Variants in SSU72 observed in about 807,000 individuals in gnomAD.
The protein encoded by SSU72 is SSU72 homolog, RNA polymerase II CTD phosphatase.
In SSU72, 12 loss-of-function variants were observed where a neutral mutation model predicts 22.7. The ratio of observed to expected loss-of-function variants is 0.53; its 90% CI spans 0.34 to 0.86. SSU72 has a LOEUF of 0.86. Among genes scored for constraint, SSU72 ranks in the 40% least tolerant of loss-of-function variants. SSU72 has a pLI of 0.02. For missense variants in SSU72, 151 were observed against 249.8 expected (o/e 0.60, Z 2.67); for synonymous variants, 116 against 98.3 (o/e 1.18, Z -1.06).
At chr1:1,572,975 C>G (rs965145038) in intron 1 of SSU72, among the ~76,000 whole-genome samples, 4 of 149,720 alleles carry the variant, frequency 2.7e-5, no homozygotes, top group African/African-American at 9.8e-5. Context: ...CAATGTAATT[C>G]TAGCACATTT....
At chr1:1,549,930 G>A (rs1447525846) in intron 2 of SSU72, among the ~76,000 whole-genome samples, 1 of 147,550 alleles carries the variant, frequency 6.8e-6, no homozygotes, top group African/African-American at 2.5e-5. Flanking sequence ...CCGAGATTGC[G>A]CCTCTATACT....
At chr1:1,550,020 AT>A (rs1055545451) in intron 2 of SSU72, among the ~76,000 whole-genome samples, 49 of 148,910 alleles carry the variant, frequency 3.3e-4, no homozygotes, top group African/African-American at 1.2e-3. Context: ...TCTACTAAAA[AT>A]ACAAAAATTA....
At chr1:1,571,872 C>CTGCT (rs1407265609) in intron 1 of SSU72, among the ~76,000 whole-genome samples, 1 of 151,870 alleles carries the variant, frequency 6.6e-6, no homozygotes, top group Admixed American at 6.6e-5. Flanking sequence ...ACTGCAAGCT[C>CTGCT]TGCTTCCTGC....
At position 1,554,969 on chromosome 1, in the gene SSU72, G is replaced by A. The variant is rs747449843; in HGVS notation, c.224+9804C>T. Reference sequence around the variant, plus strand: ...GTGTTGATGCTCCGTGGAAGCCTTGGTCCTTCCCCGGAAGGCCACACCATC... The same window carrying A: ...GTGTTGATGCTCCGTGGAAGCCTTGATCCTTCCCCGGAAGGCCACACCATC... On this transcript the variant is annotated intron_variant, in intron 2 of 4. Coordinates refer to ENST00000291386, the MANE Select transcript of SSU72 (RefSeq NM_014188.3). This position sits in a 1 kb window ranked among gnomAD's most constrained non-coding sequence, Gnocchi z 4.1. Among the ~76,000 whole-genome samples the A allele has an allele frequency of 1.3e-4, 19 of 151,942 alleles. No individual in the cohort carries two copies. Among genetic ancestry groups the A allele is most frequent in the Non-Finnish European group, 2.6e-4 (18 of 67,946 alleles).
At chr1:1,550,422 T>G (rs1158484611) in intron 2 of SSU72, among the ~76,000 whole-genome samples, 1 of 152,226 alleles carries the variant, frequency 6.6e-6, no homozygotes, top group African/African-American at 2.4e-5. Flanking sequence ...TCAGCAGACA[T>G]GAGTTTAACC....
At chr1:1,544,128 A>G (rs1642360746) in intron 3 of SSU72, 141 bp from the exon 4 acceptor site, 1 of 638,142 alleles carries the variant, frequency 1.6e-6, no homozygotes, top group Admixed American at 2.8e-5. Context: ...TGGGGAGCAC[A>G]ATGAATGAGC....
At chr1:1,544,598 C>T (rs923268807) in intron 3 of SSU72, 2 of 503,764 alleles carry the variant, frequency 4.0e-6, no homozygotes, top group Non-Finnish European at 7.2e-6. Flanking sequence ...AGCCTGGCGA[C>T]AGAGCACGAC....
chr1:1,559,108 G>T (rs997035248), intron 2 of SSU72, among the ~76,000 whole-genome samples: 3 of 152,228 alleles, frequency 2.0e-5, no homozygotes, highest in Admixed American at 1.3e-4. Flanking sequence ...TCTACTCCAC[G>T]TGCCACTGAG....
chr1:1,570,623 T>C (rs1354912921), intron 1 of SSU72, among the ~76,000 whole-genome samples: 2 of 152,158 alleles, frequency 1.3e-5, no homozygotes, highest in Admixed American at 6.5e-5. Flanking sequence ...TGGGGTATTA[T>C]AGAAAATTAT....
chr1:1,548,400 CA>C (rs1642418496), intron 2 of SSU72, among the ~76,000 whole-genome samples: 1 of 152,096 alleles, frequency 6.6e-6, no homozygotes, highest in African/African-American at 2.4e-5. Flanking sequence ...TACCAAATTA[CA>C]AAAATTAGCC....
chr1:1,564,344 C>T lies in SSU72; in HGVS notation c.224+429G>A, dbSNP rs141490688. 165 of 851,772 alleles carry T rather than the reference C, an allele frequency of 1.9e-4. No homozygotes were observed. The African/African-American group carries it at 2.5e-3, about 13-fold the overall frequency. 52.8% of individuals were successfully genotyped at this position (851,772 alleles called of 1,614,324 possible). On this transcript the variant is annotated intron_variant, in intron 2 of 4. Transcript: ENST00000291386. ...TCTTCTTTATCTGACCTTCTAACGA[C>T]CTCACCAGATGTGTGAAGCAGCCCG...
chr1:1,568,822 G>A (rs971480742), intron 1 of SSU72, among the ~76,000 whole-genome samples: 5 of 151,956 alleles, frequency 3.3e-5, no homozygotes, highest in African/African-American at 1.2e-4. Context: ...TACTTGGGAG[G>A]CCAGGAGTTC....
chr1:1,547,675 G>A (rs74864943), intron 2 of SSU72, among the ~76,000 whole-genome samples: 7,633 of 152,348 alleles, frequency 0.05, 258 homozygotes, highest in Middle Eastern at 0.12. Flanking sequence ...CAAGGCGAGA[G>A]GACAGGAGCC....
intron 1 of SSU72, among the ~76,000 whole-genome samples, chr1:1,570,990 T>G (rs1032195725): frequency 3.3e-5 from 5 of 151,988 alleles, no homozygotes; most frequent in Non-Finnish European, 5.9e-5. Flanking sequence ...CTCACGCCTG[T>G]AATCCCAGCA....
intron 1 of SSU72, among the ~76,000 whole-genome samples, chr1:1,566,775 A>T (rs1370157461): frequency 6.6e-6 from 1 of 151,976 alleles, no homozygotes; most frequent in Non-Finnish European, 1.5e-5. Flanking sequence ...AATGACTTGA[A>T]TCCGGGAGGC....
chr1:1,554,932 A>C lies in SSU72; in HGVS notation c.224+9841T>G, dbSNP rs1053249444. 1.3e-5 allele frequency among the ~76,000 whole-genome samples: 2 copies of C among 152,116 alleles called. No homozygotes were observed. The highest frequency in any genetic ancestry group is 2.9e-5 in the Non-Finnish European group (2 of 68,006). On this transcript the variant is annotated intron_variant, in intron 2 of 4. Coordinates refer to ENST00000291386, the MANE Select transcript of SSU72 (RefSeq NM_014188.3). The surrounding 1 kb of genome is among the most constrained non-coding windows in gnomAD (Gnocchi z 4.1). ...GGCAGCAGAGACTTCCTTGACGTCA[A>C]GTCTCCTGAAGGTGTTGATGCTCCG...
chr1:1,569,187 A>G (rs1462309673), intron 1 of SSU72, among the ~76,000 whole-genome samples: 6 of 152,278 alleles, frequency 3.9e-5, no homozygotes, highest in East Asian at 1.9e-4. Flanking sequence ...AAATAAAATA[A>G]AAGAAAAAAA....
At chr1:1,553,051 A>G (rs1163581674) in intron 2 of SSU72, among the ~76,000 whole-genome samples, 2 of 151,902 alleles carry the variant, frequency 1.3e-5, no homozygotes, top group Non-Finnish European at 2.9e-5. Flanking sequence ...TACTTTTTAA[A>G]GTTTTCAAGA....
chr1:1,559,633 C>T (rs1642561509), intron 2 of SSU72, among the ~76,000 whole-genome samples: 2 of 152,156 alleles, frequency 1.3e-5, no homozygotes, highest in South Asian at 2.1e-4. Flanking sequence ...AATCTCAGCT[C>T]GCTGCAGCCT....
Sources: gnomAD v4.1 joint callset for allele counts (sites outside exome capture counted in the v4.1 genomes callset) on GRCh38, gnomAD v4.1.1 for gene constraint, Gnocchi (gnomAD v3.1) non-coding constraint, MANE v1.5 for transcripts, NCBI Gene and HGNC (gene_info 2026-07-23, HGNC 2026-07-21) for gene names.